The following ITCH variants were observed in gnomAD, a reference collection of about 807,000 sequenced individuals.
ITCH encodes the protein itchy E3 ubiquitin protein ligase.
Under a neutral mutation model 126.8 loss-of-function variants are expected in ITCH, and 28 were observed. The observed-to-expected ratio is 0.22, with a 90% CI of 0.16 to 0.30. ITCH has a LOEUF of 0.30. ITCH is among the 10% of genes least tolerant of loss of function. The probability of loss-of-function intolerance (pLI) is 1.00; values close to 1 mark genes in which losing one functional copy is unlikely to be tolerated. For synonymous variants in ITCH, 342 were observed against 340.0 expected (o/e 1.01, Z -0.06); for missense variants, 631 against 1,032.4 (o/e 0.61, Z 5.33).
At chr20:34,369,863 TG>T (rs970575707) in intron 2 of ITCH, among the ~76,000 whole-genome samples, 12 of 151,848 alleles carry the variant, frequency 7.9e-5, no homozygotes, top group Non-Finnish European at 1.8e-4. Flanking sequence ...CAGCACTTTG[TG>T]GGGCGAAGGT....
intron 12 of ITCH, chr20:34,454,494 C>G (rs1817255414): frequency 6.6e-6 from 1 of 151,964 alleles, no homozygotes; most frequent in South Asian, 2.1e-4. Context: ...ACTGAAGATG[C>G]CTTGACCAGC....
intron 2 of ITCH, among the ~76,000 whole-genome samples, chr20:34,382,071 A>G (rs2038087002): frequency 6.6e-6 from 1 of 152,086 alleles, no homozygotes; most frequent in Non-Finnish European, 1.5e-5. Context: ...TAGTATTTCT[A>G]TTCTGTTTCT....
At chr20:34,455,199 T>C (rs1985760729) in intron 12 of ITCH, among the ~76,000 whole-genome samples, 1 of 152,208 alleles carries the variant, frequency 6.6e-6, no homozygotes, top group Non-Finnish European at 1.5e-5. Context: ...TAAACTTAAA[T>C]TTTTGTTTAA....
chr20:34,390,503 T>C (rs2038449515), intron 2 of ITCH, among the ~76,000 whole-genome samples: 1 of 140,616 alleles, frequency 7.1e-6, no homozygotes, highest in Non-Finnish European at 1.5e-5. Context: ...CAGGCTGGAG[T>C]GCAATGGCAC....
intron 16 of ITCH, among the ~76,000 whole-genome samples, chr20:34,474,321 T>C (rs939498180): frequency 6.6e-6 from 1 of 152,218 alleles, no homozygotes; most frequent in African/African-American, 2.4e-5. Flanking sequence ...CCTTCCGCAG[T>C]GTTTGTGTCC....
Position 34,433,355 on chromosome 20 carries a change from G to T in ITCH, c.522-5119G>T, listed in dbSNP as rs575963388. On this transcript the variant is annotated intron_variant, in intron 7 of 24. Transcript: ENST00000374864. ...TCAAAATATTTGCATGTTTTGACTT[G>T]GTTGTTCTATTCTGCAGTCTGTCTA... Among the ~76,000 whole-genome samples, 12 of 152,284 alleles carry T rather than the reference G, an allele frequency of 7.9e-5. No individual in the cohort carries two copies. The South Asian group carries it at 2.1e-3, about 26-fold the overall frequency.
At chr20:34,484,735 T>C (rs1484572265) in intron 20 of ITCH, among the ~76,000 whole-genome samples, 1 of 152,196 alleles carries the variant, frequency 6.6e-6, no homozygotes, top group Non-Finnish European at 1.5e-5. Context: ...TAAAATGCAC[T>C]GATCTTAAGT....
At position 34,508,333 on chromosome 20, in the gene ITCH, A is replaced by C. The variant is rs1978375593; in HGVS notation, c.*539A>C. On this transcript the variant is annotated 3_prime_UTR_variant, in exon 25 of 25. Transcript: ENST00000374864. ...TCCTTTCTGGCGCATGAATCCATAC[A>C]TCATTCCTGGAAGTGAGGCAAGACT... 6.1e-6 allele frequency: 1 copy of C among 164,640 alleles called. No homozygotes were observed. Among genetic ancestry groups the C allele is most frequent in the Admixed American group, 5.6e-5 (1 of 17,734 alleles). 10.2% of individuals were successfully genotyped at this position (164,640 alleles called of 1,614,324 possible). A position where few individuals can be genotyped will look rare whatever the true frequency, so the allele number is the denominator to read the frequency against.
intron 13 of ITCH, among the ~76,000 whole-genome samples, chr20:34,458,404 C>T (rs1021073978): frequency 5.3e-5 from 8 of 152,130 alleles, no homozygotes; most frequent in Admixed American, 2.6e-4. Context: ...TGTCTTTAAG[C>T]GATCCTCCTG....
At chr20:34,427,423 A>C (rs1163863593) in intron 7 of ITCH, among the ~76,000 whole-genome samples, 2 of 152,170 alleles carry the variant, frequency 1.3e-5, no homozygotes, top group African/African-American at 4.8e-5. Flanking sequence ...TCATCTCTAC[A>C]GAAAACAAAA....
chr20:34,424,083 T>C (rs1314904840), intron 6 of ITCH, among the ~76,000 whole-genome samples: 1 of 152,114 alleles, frequency 6.6e-6, no homozygotes, highest in Admixed American at 6.6e-5. Flanking sequence ...ACGTTATGGG[T>C]TTTTCTGTTT....
chr20:34,452,420 A>G (rs1440076315), intron 12 of ITCH, among the ~76,000 whole-genome samples: 2 of 152,192 alleles, frequency 1.3e-5, no homozygotes, highest in Non-Finnish European at 2.9e-5. Context: ...CACATTCCTC[A>G]TGTTGAAGTA....
chr20:34,377,681 T>C (rs1719472307), intron 2 of ITCH, among the ~76,000 whole-genome samples: 2 of 151,944 alleles, frequency 1.3e-5, no homozygotes, highest in African/African-American at 2.4e-5. Flanking sequence ...CTGGGCAACA[T>C]GGAGAAACCC....
Position 34,440,005 on chromosome 20 carries a change from A to G in ITCH, c.680-150A>G, listed in dbSNP as rs893814757. The G allele has an allele frequency of 6.2e-6, 4 of 647,580 alleles. No individual in the cohort carries two copies. The African/African-American group carries it at 7.3e-5, about 12-fold the overall frequency. 40.1% of individuals were successfully genotyped at this position (647,580 alleles called of 1,614,324 possible). A position where few individuals can be genotyped will look rare whatever the true frequency, so the allele number is the denominator to read the frequency against. ...TAACTGGCAGCGTTGGTTATTTCCC[A>G]TTACTTATTTCTTTAAGTAATTTTC... On this transcript the variant is annotated intron_variant, in intron 8 of 24. Coordinates refer to ENST00000374864, the MANE Select transcript of ITCH (RefSeq NM_031483.7).
At chr20:34,406,446 TA>T (rs1337667535) in intron 3 of ITCH, among the ~76,000 whole-genome samples, 1 of 152,094 alleles carries the variant, frequency 6.6e-6, no homozygotes, top group Non-Finnish European at 1.5e-5. Context: ...AAGTATTTGA[TA>T]TATGTAAAGT....
At chr20:34,371,514 C>T (rs1324180494) in intron 2 of ITCH, among the ~76,000 whole-genome samples, 1 of 151,890 alleles carries the variant, frequency 6.6e-6, no homozygotes, top group Non-Finnish European at 1.5e-5. Flanking sequence ...GAACTCCTGA[C>T]CTCAGGTGAT....
intron 2 of ITCH, among the ~76,000 whole-genome samples, chr20:34,386,117 G>A (rs1001630781): frequency 2.1e-5 from 3 of 143,972 alleles, no homozygotes; most frequent in African/African-American, 8.0e-5. Flanking sequence ...GTTTTGTTTT[G>A]TTTTTTTGAG....
chr20:34,420,314 T>C (rs1980589871), intron 6 of ITCH, among the ~76,000 whole-genome samples: 1 of 152,224 alleles, frequency 6.6e-6, no homozygotes, highest in Non-Finnish European at 1.5e-5. Flanking sequence ...TCAGGATATA[T>C]CACATAAAAG....
intron 2 of ITCH, among the ~76,000 whole-genome samples, chr20:34,385,843 CAA>C (rs2146041236): frequency 6.6e-6 from 1 of 152,210 alleles, no homozygotes; most frequent in African/African-American, 2.4e-5. Context: ...TGTTCAGAAC[CAA>C]AGTGTCACTG....
Sources: allele counts gnomAD v4.1 joint callset (sites outside exome capture counted in the v4.1 genomes callset), GRCh38; gene constraint gnomAD v4.1.1; transcripts MANE v1.5; gene names NCBI Gene and HGNC (gene_info 2026-07-23, HGNC 2026-07-21).